The following AVEN variants were observed in gnomAD, a reference collection of about 807,000 sequenced individuals.
AVEN encodes the protein apoptosis and caspase activation inhibitor, also known as cell death regulator Aven.
In AVEN, 41 loss-of-function variants were observed where a neutral mutation model predicts 38.1. The ratio of observed to expected loss-of-function variants is 1.08; its 90% CI spans 0.84 to 1.40. AVEN has a LOEUF of 1.40. Among genes scored for constraint, AVEN ranks in the 40% most tolerant of loss-of-function variants. AVEN has a pLI of 0.00. For synonymous variants in AVEN, 206 were observed against 171.8 expected (o/e 1.20, Z -1.56); for missense variants, 605 against 438.8 (o/e 1.38, Z -3.38).
chr15:34,011,886 T>C (rs1369705206), intron 1 of AVEN, among the ~76,000 whole-genome samples: 1 of 152,204 alleles, frequency 6.6e-6, no homozygotes, highest in Non-Finnish European at 1.5e-5. Context: ...CTTCAATGAC[T>C]TAAGGATAAT....
chr15:33,874,270 G>A (rs535044196), intron 3 of AVEN, among the ~76,000 whole-genome samples: 30 of 152,150 alleles, frequency 2.0e-4, no homozygotes, highest in Admixed American at 1.2e-3. Flanking sequence ...AAGCAATAGA[G>A]AAGGAAAAAG....
At chr15:33,853,183 C>A in the AVEN span, 2 of 1,076,012 alleles carry the variant, frequency 1.9e-6, no homozygotes, top group Non-Finnish European at 1.3e-6. Context: ...AAATGTGATG[C>A]TACTTTTATG....
At chr15:33,951,197 C>T (rs2048372462) in intron 2 of AVEN, among the ~76,000 whole-genome samples, 1 of 151,954 alleles carries the variant, frequency 6.6e-6, no homozygotes, top group South Asian at 2.1e-4. Flanking sequence ...AGCACCAAAA[C>T]GTTTATAAAG....
At chr15:33,905,275 T>C (rs1892655902) in intron 2 of AVEN, among the ~76,000 whole-genome samples, 2 of 152,096 alleles carry the variant, frequency 1.3e-5, no homozygotes. Flanking sequence ...TGCTGTTCAC[T>C]ACTTACTTGC....
chr15:34,031,361 G>T (rs958377492), intron 1 of AVEN, among the ~76,000 whole-genome samples: 1 of 151,846 alleles, frequency 6.6e-6, no homozygotes, highest in Non-Finnish European at 1.5e-5. Context: ...TTCTAATAGC[G>T]ACAGGGTTTC....
intron 1 of AVEN, among the ~76,000 whole-genome samples, chr15:34,024,764 G>A (rs541079369): frequency 1.1e-4 from 17 of 151,936 alleles, no homozygotes; most frequent in African/African-American, 4.1e-4. Flanking sequence ...AGGAGGCTGA[G>A]GCAGGAGAAT....
intron 1 of AVEN, chr15:34,018,272 A>C (rs940862380): frequency 1.3e-5 from 2 of 152,204 alleles, no homozygotes; most frequent in Non-Finnish European, 2.9e-5. Flanking sequence ...TTGTGTCCGG[A>C]ATTTATTCCT....
intron 1 of AVEN, among the ~76,000 whole-genome samples, chr15:34,033,767 A>C (rs1385250155): frequency 6.6e-6 from 1 of 152,170 alleles, no homozygotes; most frequent in Non-Finnish European, 1.5e-5. Flanking sequence ...AAATCTTCAC[A>C]CTACTAAAGA....
intron 5 of AVEN, among the ~76,000 whole-genome samples, chr15:34,054,053 A>G (rs903290661): frequency 2.0e-5 from 3 of 152,206 alleles, no homozygotes; most frequent in African/African-American, 4.8e-5. Context: ...GAAGACATAC[A>G]TGCGGCCAAA....
In AVEN at chr15:34,014,208, T is replaced by C. The variant is rs1897764222; in HGVS notation, c.268-10999A>G. Among the ~76,000 whole-genome samples the C allele has an allele frequency of 2.6e-5, 4 of 150,992 alleles. No homozygotes were observed. The South Asian group carries it at 6.3e-4, about 24-fold the overall frequency. ...CAAAACCCCATCTCTACTAAAAATA[T>C]GAAAAATTAGCCAGGCGTGGTGGCA... On this transcript the variant is annotated intron_variant, in intron 1 of 5. Transcript: ENST00000306730.
chr15:33,898,909 G>C (rs1452107374), intron 2 of AVEN, among the ~76,000 whole-genome samples: 1 of 152,200 alleles, frequency 6.6e-6, no homozygotes, highest in African/African-American at 2.4e-5. Context: ...CTGAAGAGGA[G>C]TATAATTTGG....
intron 2 of AVEN, among the ~76,000 whole-genome samples, chr15:33,900,043 G>C (rs1030522409): frequency 6.6e-6 from 1 of 151,690 alleles, no homozygotes; most frequent in Non-Finnish European, 1.5e-5. Context: ...AGAATGCCAA[G>C]GTCACAATTA....
chr15:34,053,313 AAAAAAAATATAT>A (rs1020532747), intron 5 of AVEN, among the ~76,000 whole-genome samples: 3 of 94,614 alleles, frequency 3.2e-5, no homozygotes, highest in African/African-American at 1.3e-4. Flanking sequence ...AAAAAAAAAA[AAAAAAAATATAT>A]ATATATATAT....
At chr15:34,003,621 CTTTA>C (rs1329603194) in intron 1 of AVEN, among the ~76,000 whole-genome samples, 1 of 152,050 alleles carries the variant, frequency 6.6e-6, no homozygotes, top group Non-Finnish European at 1.5e-5. Context: ...TGTTTAAAAG[CTTTA>C]TTTAATTTTT....
intron 2 of AVEN, among the ~76,000 whole-genome samples, chr15:34,069,435 A>G (rs969925033): frequency 6.6e-6 from 1 of 152,138 alleles, no homozygotes; most frequent in Non-Finnish European, 1.5e-5. Context: ...CTGAAAACAG[A>G]GAAAGACTTC....
At chr15:33,986,624 A>C (rs984829927) in intron 2 of AVEN, among the ~76,000 whole-genome samples, 3 of 152,126 alleles carry the variant, frequency 2.0e-5, no homozygotes, top group Non-Finnish European at 2.9e-5. Context: ...ACAGGATATA[A>C]TAGATCATGA....
chr15:33,932,904 A>C (rs1469004446), intron 2 of AVEN, among the ~76,000 whole-genome samples: 1 of 152,166 alleles, frequency 6.6e-6, no homozygotes, highest in Non-Finnish European at 1.5e-5. Context: ...TGTTAAATCA[A>C]TATAGTGGGT....
chr15:33,892,260 G>T (rs188994116), intron 2 of AVEN, among the ~76,000 whole-genome samples: 14 of 152,308 alleles, frequency 9.2e-5, no homozygotes, highest in African/African-American at 3.4e-4. Flanking sequence ...TTTGGCTTTT[G>T]TTGCCATTGC....
chr15:34,063,042 C>T lies in AVEN; in HGVS notation n.1517G>A. 1 of 1,614,254 alleles carries T rather than the reference C, an allele frequency of 6.2e-7. No homozygotes were observed. Among genetic ancestry groups the T allele is most frequent in the Non-Finnish European group, 8.5e-7 (1 of 1,180,042 alleles). On this transcript the variant is annotated non_coding_transcript_exon_variant, in exon 5 of 12. Coordinates refer to the AVEN transcript ENST00000675287. This position sits in a 1 kb window ranked among gnomAD's most constrained non-coding sequence, Gnocchi z 4.1. The stretch of plus-strand genomic sequence containing the variant: ...TCTGGCTTGTGACCTTTGGCTTGCA[C>T]TGGACTACGTGGCCAGCAACGCTTC...
Sources: gnomAD v4.1 joint callset for allele counts (sites outside exome capture counted in the v4.1 genomes callset) on GRCh38, gnomAD v4.1.1 for gene constraint, Gnocchi (gnomAD v3.1) non-coding constraint, MANE v1.5 for transcripts, NCBI Gene and HGNC (gene_info 2026-07-23, HGNC 2026-07-21) for gene names.